MORC4: variants seen among roughly 807,000 people sequenced by gnomAD.
The protein encoded by MORC4 is MORC family CW-type zinc finger 4, also known as MORC family CW-type zinc finger protein 4.
Under a neutral mutation model 65.5 loss-of-function variants are expected in MORC4, and 22 were observed. The ratio of observed to expected loss-of-function variants is 0.34; its 90% CI spans 0.24 to 0.48. The LOEUF (loss-of-function observed/expected upper bound fraction) is 0.48. Among genes scored for constraint, MORC4 ranks in the 20% least tolerant of loss-of-function variants. The pLI is 0.99. For missense variants in MORC4, 624 were observed against 703.0 expected (o/e 0.89, Z 1.27); for synonymous variants, 267 against 255.8 (o/e 1.04, Z -0.42).
chrX:107,000,057 C>T lies in MORC4; in HGVS notation c.-88G>A. On this transcript the variant is annotated 5_prime_UTR_variant, in exon 1 of 17. Coordinates refer to ENST00000355610, the MANE Select transcript of MORC4 (RefSeq NM_024657.5). ...AGCCCTCGCTCACTTCCACTCGCAGCTGGCGGCGACCGTCCGGGACCGGCC... is the reference window on the plus strand; with the variant it reads ...AGCCCTCGCTCACTTCCACTCGCAGTTGGCGGCGACCGTCCGGGACCGGCC... The T allele has an allele frequency of 3.0e-6, 1 of 337,186 alleles. No homozygotes were observed. The allele number at this position is 337,186 out of a possible 1,213,427, so 27.8% of individuals were successfully genotyped here.
intron 5 of MORC4, among the ~76,000 whole-genome samples, chrX:106,982,411 T>C (rs73533072): frequency 0.062 from 6,887 of 111,406 alleles, 583 homozygotes; most frequent in African/African-American, 0.21. Context: ...GTAGCTCCTT[T>C]TACAGGGCTG....
intron 9 of MORC4, among the ~76,000 whole-genome samples, chrX:106,967,985 G>A (rs1163805823): frequency 3.6e-5 from 4 of 111,216 alleles, no homozygotes; most frequent in Admixed American, 2.9e-4. Flanking sequence ...GATACTCCTC[G>A]AGAAGAGCAA....
intron 14 of MORC4, among the ~76,000 whole-genome samples, chrX:106,946,960 A>G (rs1374093631): frequency 1.8e-5 from 2 of 111,542 alleles, no homozygotes; most frequent in Non-Finnish European, 3.8e-5. Flanking sequence ...CAATTTTAAT[A>G]TAAGCATCTA....
intron 11 of MORC4, 103 bp downstream of exon 11, chrX:106,958,233 G>T: frequency 1.2e-6 from 1 of 815,770 alleles, no homozygotes; most frequent in Non-Finnish European, 1.7e-6. Flanking sequence ...ACAGGGCCTT[G>T]AATGCCAGGC....
intron 14 of MORC4, among the ~76,000 whole-genome samples, chrX:106,954,287 T>C (rs137990207): frequency 0.019 from 2,105 of 112,346 alleles, 52 homozygotes; most frequent in African/African-American, 0.064. Flanking sequence ...GGGGCAGTCA[T>C]ATCCTTCAGT....
At chrX:106,951,384 CT>C (rs931886006) in intron 14 of MORC4, among the ~76,000 whole-genome samples, 1 of 110,306 alleles carries the variant, frequency 9.1e-6, no homozygotes. Context: ...TTAGATCTTT[CT>C]TTTTTTTTGA....
intron 2 of MORC4, among the ~76,000 whole-genome samples, chrX:106,993,578 T>G (rs922760011): frequency 1.8e-5 from 2 of 112,191 alleles, no homozygotes; most frequent in African/African-American, 6.5e-5. Flanking sequence ...TTTCCAGATT[T>G]CATACGAGCG....
In MORC4 at chrX:106,956,919, TC is replaced by T. The variant is rs776824463; in HGVS notation, c.1454+16del. On this transcript the variant is annotated intron_variant, in intron 12 of 16. Transcript: ENST00000355610. ...CTCTACCCTATGGTAGAGAACCCCA[TC>T]TCATGTATACTCAACTGTTTCTTAG... 5.9e-5 allele frequency: 68 copies of T among 1,153,664 alleles called. No individual in the cohort carries two copies. In the Admixed American group the frequency reaches 1.5e-3, roughly 25 times the overall value.
rs763475705 is a variant in MORC4, at chrX:106,943,151, C to A, written c.1740G>T (p.Gln580His). The A allele has an allele frequency of 3.8e-5, 46 of 1,207,906 alleles. No homozygotes were observed. The South Asian group carries it at 7.6e-4, about 20-fold the overall frequency. Residue 580 changes from glutamine to histidine, a missense_variant, in exon 15 of 17, where the codon CAG becomes CAT. Physicochemically the swap from Gln to His is conservative, Grantham distance 24. Coordinates refer to ENST00000355610, the MANE Select transcript of MORC4 (RefSeq NM_024657.5). ...CTAGAGAAGGTGTTGTCATCTCATT[C>A]TGGAGCCTTCTTCGTTTCTCCACCG... ...EEPVEKRRRLQNEMTTPSLDY... is the reference protein window; with the variant it reads ...EEPVEKRRRLHNEMTTPSLDY...
In MORC4 at chrX:107,000,146, G is replaced by A. The variant is rs1290415435; in HGVS notation, c.-177C>T. ...CGCTCCAGCCACCTGTCCCGGGCGGGAGGGGTGAGGCCGGCTGAGGCAAGC... is the reference window on the plus strand; with the variant it reads ...CGCTCCAGCCACCTGTCCCGGGCGGAAGGGGTGAGGCCGGCTGAGGCAAGC... On this transcript the variant is annotated 5_prime_UTR_variant, in exon 1 of 17. Coordinates refer to ENST00000355610, the MANE Select transcript of MORC4 (RefSeq NM_024657.5). 9 of 142,806 alleles carry A rather than the reference G, an allele frequency of 6.3e-5. No individual in the cohort carries two copies. Among genetic ancestry groups the A allele is most frequent in the Non-Finnish European group, 1.1e-4 (8 of 72,156 alleles). 11.8% of individuals were successfully genotyped at this position (142,806 alleles called of 1,213,427 possible).
intron 11 of MORC4, 47 bp from the exon 12 acceptor site, chrX:106,957,051 T>G: frequency 1.2e-6 from 1 of 868,645 alleles, no homozygotes; most frequent in Admixed American, 2.3e-5. Flanking sequence ...ACTGGGTCCT[T>G]CACTTTTACC....
chrX:106,941,715 G>T, intron 16 of MORC4, 83 bp from the exon 17 acceptor site: 1 of 987,398 alleles, frequency 1.0e-6, no homozygotes, highest in South Asian at 2.3e-5. Context: ...CTTCAAAATG[G>T]AACCACATTT....
At chrX:106,997,472 T>C (rs1172761954) in intron 2 of MORC4, among the ~76,000 whole-genome samples, 1 of 111,978 alleles carries the variant, frequency 8.9e-6, no homozygotes, top group Non-Finnish European at 1.9e-5. Context: ...AATCACATCC[T>C]GATCCCAGAT....
rs745761067 is a variant in MORC4, at chrX:106,954,977, C to G, written c.1621G>C (p.Glu541Gln). ...HSPSVLPSGG[E>Q]ESRSPSLQLK... is the part of the protein sequence containing the mutation. ...TGAAGAGATGGTGATCTGCTTTCTT[C>G]TCCACCAGAAGGAAGCACACTAGGG... Residue 541 changes from glutamate to glutamine, a missense_variant, in exon 14 of 17, where the codon GAA becomes CAA. By Grantham distance (29) the Glu-to-Gln change is conservative. Coordinates refer to ENST00000355610, the MANE Select transcript of MORC4 (RefSeq NM_024657.5). The G allele has an allele frequency of 8.3e-7, 1 of 1,210,105 alleles. No individual in the cohort carries two copies. The highest frequency in any genetic ancestry group is 1.1e-6 in the Non-Finnish European group (1 of 894,451).
intron 14 of MORC4, among the ~76,000 whole-genome samples, chrX:106,947,024 ATGTTT>A (rs201149809): frequency 2.0e-4 from 22 of 110,762 alleles, no homozygotes; most frequent in Middle Eastern, 4.7e-3. Flanking sequence ...TAGTTTCCAT[ATGTTT>A]TGTTTTAATT....
chrX:106,961,794 C>T (rs375433743), intron 10 of MORC4, among the ~76,000 whole-genome samples: 117 of 111,668 alleles, frequency 1.0e-3, no homozygotes, highest in African/African-American at 3.3e-3. Flanking sequence ...TTTGTCCTTT[C>T]GCTGTTCACA....
At chrX:106,957,065 T>A in intron 11 of MORC4, 61 bp from the exon 12 acceptor site, 1 of 729,404 alleles carries the variant, frequency 1.4e-6, no homozygotes, top group Non-Finnish European at 2.1e-6. Flanking sequence ...TTTTACCTTT[T>A]AATTTCCTTA....
intron 9 of MORC4, among the ~76,000 whole-genome samples, chrX:106,966,351 C>T: frequency 8.9e-6 from 1 of 112,403 alleles, no homozygotes; most frequent in Non-Finnish European, 1.9e-5. Context: ...CCCCAGTCTA[C>T]AGCTCCCAGT....
At chrX:106,949,884 C>T (rs1933932235) in intron 14 of MORC4, among the ~76,000 whole-genome samples, 1 of 112,209 alleles carries the variant, frequency 8.9e-6, no homozygotes, top group South Asian at 3.7e-4. Flanking sequence ...GGTAGCATAG[C>T]ATTGAACATG....
Sources: allele counts gnomAD v4.1 joint callset (sites outside exome capture counted in the v4.1 genomes callset), GRCh38; gene constraint gnomAD v4.1.1; transcripts MANE v1.5; gene names NCBI Gene and HGNC (gene_info 2026-07-23, HGNC 2026-07-21).